CSMD1: variants seen among roughly 807,000 people sequenced by gnomAD.
CSMD1 encodes CUB and sushi domain-containing protein 1.
CSMD1 carries 213 observed loss-of-function variants against 417.5 expected under a neutral mutation model. The ratio of observed to expected loss-of-function variants is 0.51; its 90% CI spans 0.46 to 0.57. The LOEUF is 0.57. Among genes scored for constraint, CSMD1 ranks in the 20% least tolerant of loss-of-function variants. CSMD1 has a pLI of 0.00. For missense variants in CSMD1, 6,923 were observed against 4,529.7 expected, an observed-to-expected ratio of 1.53 and a Z score of -15.17; for synonymous variants, 2,862 against 1,736.8, an observed-to-expected ratio of 1.65 and a Z score of -16.11.
intron 69 of CSMD1, among the ~76,000 whole-genome samples, chr8:2,939,939 A>G (rs759109965): frequency 6.6e-6 from 1 of 152,002 alleles, no homozygotes. Context: ...GGGAAATGCA[A>G]TCCCAGAGTG....
intron 5 of CSMD1, among the ~76,000 whole-genome samples, chr8:3,912,204 C>T (rs1216113783): frequency 6.6e-6 from 1 of 152,108 alleles, no homozygotes; most frequent in Non-Finnish European, 1.5e-5. Context: ...AAATCGTTTT[C>T]TAACTCTGAT....
intron 1 of CSMD1, among the ~76,000 whole-genome samples, chr8:4,710,277 C>T (rs767853245): frequency 1.3e-5 from 2 of 151,390 alleles, no homozygotes; most frequent in Non-Finnish European, 2.9e-5. Flanking sequence ...TATACATTTG[C>T]ATGTTAAATA....
At chr8:4,500,374 G>A (rs759861739) in intron 2 of CSMD1, among the ~76,000 whole-genome samples, 1 of 152,132 alleles carries the variant, frequency 6.6e-6, no homozygotes, top group Non-Finnish European at 1.5e-5. Flanking sequence ...TGAGACAAAT[G>A]TGTTCATATA....
At chr8:4,891,612 T>A (rs1224646206) in intron 1 of CSMD1, among the ~76,000 whole-genome samples, 1 of 152,136 alleles carries the variant, frequency 6.6e-6, no homozygotes, top group Non-Finnish European at 1.5e-5. Context: ...AAGCACATAA[T>A]CGGATGTTTT....
intron 2 of CSMD1, among the ~76,000 whole-genome samples, chr8:4,523,914 A>C (rs4875108): frequency 0.51 from 77,378 of 151,916 alleles, 20,860 homozygotes; most frequent in Admixed American, 0.64. Context: ...GCTATTTCTA[A>C]TCAGCTCTGC....
chr8:4,031,675 ATGT>A lies in CSMD1; in HGVS notation c.610+227_610+229del, dbSNP rs1371397950. 3.9e-5 allele frequency among the ~76,000 whole-genome samples: 6 copies of A among 152,274 alleles called. No individual in the cohort carries two copies. The East Asian group carries it at 9.7e-4, about 25-fold the overall frequency. On this transcript the variant is annotated intron_variant, in intron 4 of 69. Transcript: ENST00000635120. ...AATATTATATATTATTACTTATCAC[ATGT>A]TATTACTTACATACTAACATGCAAT...
intron 1 of CSMD1, among the ~76,000 whole-genome samples, chr8:4,836,068 T>C (rs996497416): frequency 2.6e-5 from 4 of 152,142 alleles, no homozygotes; most frequent in African/African-American, 9.7e-5. Flanking sequence ...GTTTAGAATA[T>C]TGGACATACA....
At chr8:4,525,250 C>T (rs78246363) in intron 2 of CSMD1, among the ~76,000 whole-genome samples, 2,098 of 152,154 alleles carry the variant, frequency 0.014, 23 homozygotes, top group Non-Finnish European at 0.021. Flanking sequence ...ATCATTCACT[C>T]GAACAGAGAG....
intron 42 of CSMD1, among the ~76,000 whole-genome samples, chr8:3,116,059 T>C (rs749036675): frequency 6.6e-6 from 1 of 152,244 alleles, no homozygotes; most frequent in Non-Finnish European, 1.5e-5. Flanking sequence ...CTGTAACTAA[T>C]AGGCGTTTGA....
At chr8:4,897,738 C>G (rs936025283) in intron 1 of CSMD1, among the ~76,000 whole-genome samples, 1 of 152,062 alleles carries the variant, frequency 6.6e-6, no homozygotes, top group Admixed American at 6.5e-5. Flanking sequence ...ATAAATTCTA[C>G]TCATCAACTG....
intron 44 of CSMD1, 83 bp downstream of exon 44, chr8:3,108,520 C>G (rs1295122718): frequency 7.1e-6 from 10 of 1,416,150 alleles, no homozygotes; most frequent in Non-Finnish European, 9.7e-6. Context: ...GAAACTTCAG[C>G]TGGAAACAAG....
intron 2 of CSMD1, among the ~76,000 whole-genome samples, chr8:4,610,285 C>T (rs1223496877): frequency 6.6e-6 from 1 of 152,178 alleles, no homozygotes; most frequent in Non-Finnish European, 1.5e-5. Context: ...ACTATTGGAT[C>T]CATGAAATTG....
rs1213177790 is a variant in CSMD1 at position 2,955,693 on chromosome 8, G to A, written c.9890C>T (p.Thr3297Ile). 6.2e-7 allele frequency: 1 copy of A among 1,613,840 alleles called. No homozygotes were observed. Among genetic ancestry groups the A allele is most frequent in the African/African-American group, 1.3e-5 (1 of 74,946 alleles). Residue 3297 changes from threonine to isoleucine, a missense_variant, in exon 64 of 70, where the codon ACC becomes ATC. Coordinates refer to ENST00000635120, the MANE Select transcript of CSMD1 (RefSeq NM_033225.6). Reference sequence around the variant, plus strand: ...GCCTGGATGGCAGGTGTACACTAAGGTGTAGCCGAAAGTAGGAAGATCGAT... The same window carrying A: ...GCCTGGATGGCAGGTGTACACTAAGATGTAGCCGAAAGTAGGAAGATCGAT... The part of the protein sequence containing the change: ...RAIDLPTFGY[T>I]LVYTCHPGFF...
At chr8:3,541,818 T>C (rs2117568771) in intron 10 of CSMD1, among the ~76,000 whole-genome samples, 1 of 151,888 alleles carries the variant, frequency 6.6e-6, no homozygotes, top group African/African-American at 2.4e-5. Flanking sequence ...CTGGGCATGA[T>C]GGCTTGCACC....
chr8:4,502,771 C>G (rs1802323417), intron 2 of CSMD1, among the ~76,000 whole-genome samples: 1 of 152,156 alleles, frequency 6.6e-6, no homozygotes, highest in South Asian at 2.1e-4. Flanking sequence ...ACAGTACATT[C>G]CACAAGAGCA....
intron 3 of CSMD1, among the ~76,000 whole-genome samples, chr8:4,047,257 G>T (rs764324769): frequency 3.3e-5 from 5 of 152,100 alleles, no homozygotes; most frequent in Non-Finnish European, 5.9e-5. Context: ...TAAGTGGTAG[G>T]CACATGTATT....
chr8:4,253,949 C>T (rs1309210782), intron 3 of CSMD1, among the ~76,000 whole-genome samples: 2 of 117,082 alleles, frequency 1.7e-5, no homozygotes, highest in South Asian at 2.8e-4. Context: ...TGGAGTCTTG[C>T]TCTAGTGCCC....
At chr8:3,040,411 T>TATATATATATAA (rs1171354273) in intron 50 of CSMD1, among the ~76,000 whole-genome samples, 2 of 136,606 alleles carry the variant, frequency 1.5e-5, no homozygotes, top group Non-Finnish European at 3.2e-5. Flanking sequence ...TATATATATA[T>TATATATATATAA]ATAACAGAAA....
chr8:4,959,721 A>G (rs2117325512), intron 1 of CSMD1, among the ~76,000 whole-genome samples: 1 of 152,306 alleles, frequency 6.6e-6, no homozygotes, highest in South Asian at 2.1e-4. Context: ...ACGGAATGTC[A>G]AAATCCTAAT....
Sources: gnomAD v4.1 joint callset for allele counts (sites outside exome capture counted in the v4.1 genomes callset) on GRCh38, gnomAD v4.1.1 for gene constraint, MANE v1.5 for transcripts, NCBI Gene and HGNC (gene_info 2026-07-23, HGNC 2026-07-21) for gene names.